ZNF107: variants seen among roughly 807,000 people sequenced by gnomAD.
The protein encoded by ZNF107 is C2H2 type zinc-finger protein.
A neutral mutation model predicts 12.3 loss-of-function variants in ZNF107; 19 were observed. The observed-to-expected ratio is 1.55, with a 90% CI of 1.08 to 2.27. ZNF107 has a LOEUF of 2.27. ZNF107 is among the 30% of genes most tolerant of loss of function. The pLI, the probability that ZNF107 is intolerant of heterozygous loss-of-function variation, is 0.00. For synonymous variants in ZNF107, 317 were observed against 330.5 expected (o/e 0.96, Z 0.44); for missense variants, 958 against 979.9 (o/e 0.98, Z 0.30).
intron 3 of ZNF107, among the ~76,000 whole-genome samples, chr7:64,699,597 A>G (rs189343545): frequency 3.3e-5 from 5 of 152,168 alleles, no homozygotes; most frequent in Admixed American, 3.3e-4. Context: ...TGTCTGGATA[A>G]TATTTTTATT....
intron 1 of ZNF107, among the ~76,000 whole-genome samples, chr7:64,690,768 A>G (rs552879762): frequency 9.2e-5 from 14 of 151,818 alleles, no homozygotes; most frequent in African/African-American, 3.4e-4. Context: ...TTTGAGACAG[A>G]GTCTCACTCT....
In ZNF107 at chr7:64,709,654, C is replaced by T. The variant is rs370373826; in HGVS notation, c.*998C>T. The stretch of plus-strand genomic sequence containing the variant: ...TGGCAACACTTTTAATAAATGCTCA[C>T]CCCTTATTGCACAGGAAAGCATTTA... On this transcript the variant is annotated 3_prime_UTR_variant, in exon 4 of 4. Transcript: ENST00000620827. 2.2e-6 allele frequency: 1 copy of T among 451,440 alleles called. No individual in the cohort carries two copies. Among genetic ancestry groups the T allele is most frequent in the Non-Finnish European group, 4.4e-6 (1 of 225,832 alleles). The allele number at this position is 451,440 out of a possible 1,614,324, so 28.0% of individuals were successfully genotyped here. A position where few individuals can be genotyped will look rare whatever the true frequency, so the allele number is the denominator to read the frequency against.
At chr7:64,694,154 A>C (rs908685730) in intron 3 of ZNF107, among the ~76,000 whole-genome samples, 11 of 152,240 alleles carry the variant, frequency 7.2e-5, no homozygotes, top group African/African-American at 2.7e-4. Flanking sequence ...GAACTGAGTC[A>C]TTGAACTGTT....
intron 3 of ZNF107, among the ~76,000 whole-genome samples, chr7:64,698,079 T>C (rs1790355372): frequency 6.6e-6 from 1 of 152,190 alleles, no homozygotes; most frequent in Non-Finnish European, 1.5e-5. Context: ...ATTTGGTGTC[T>C]TTAAAAAATT....
At chr7:64,676,974 T>C (rs903671546) in intron 1 of ZNF107, among the ~76,000 whole-genome samples, 4 of 152,206 alleles carry the variant, frequency 2.6e-5, no homozygotes, top group Non-Finnish European at 5.9e-5. Context: ...TGAATGACTG[T>C]ATTTTTCTAT....
intron 1 of ZNF107, among the ~76,000 whole-genome samples, chr7:64,666,899 T>C (rs948827565): frequency 7.1e-6 from 1 of 141,794 alleles, no homozygotes; most frequent in Non-Finnish European, 1.5e-5. Context: ...TTACGTAGTT[T>C]CTTAGTTTTA....
chr7:64,693,916 G>A (rs941298970), intron 3 of ZNF107, among the ~76,000 whole-genome samples: 1 of 152,108 alleles, frequency 6.6e-6, no homozygotes, highest in Non-Finnish European at 1.5e-5. Context: ...AGTCTCCCAA[G>A]TAGCTGGGAT....
intron 1 of ZNF107, 30 bp from the exon 2 acceptor site, chr7:64,691,218 G>C (rs1790106880): frequency 1.4e-6 from 2 of 1,428,348 alleles, no homozygotes; most frequent in East Asian, 5.4e-5. Context: ...ATGGCTGCTT[G>C]GTAAATGTGT....
intron 3 of ZNF107, among the ~76,000 whole-genome samples, chr7:64,693,165 A>ATTTTTTT (rs34734604): frequency 1.0e-4 from 11 of 110,118 alleles, no homozygotes; most frequent in Non-Finnish European, 1.1e-4. Flanking sequence ...CACTCAGCTA[A>ATTTTTTT]TTTTTTTTTT....
In ZNF107 at chr7:64,708,884, TG is replaced by T; in HGVS notation, c.*229del. The T allele has an allele frequency of 1.7e-6, 1 of 605,532 alleles. No individual in the cohort carries two copies. 37.5% of individuals were successfully genotyped at this position (605,532 alleles called of 1,614,324 possible). ...CGTACTGGAGAGAATCCTACAAATG[TG>T]AAAAATGTGGCAAATCCTTTAACTG... On this transcript the variant is annotated 3_prime_UTR_variant, in exon 4 of 4. Coordinates refer to ENST00000620827, the MANE Select transcript of ZNF107 (RefSeq NM_001282359.2).
At chr7:64,672,266 G>T (rs1789260877) in intron 1 of ZNF107, among the ~76,000 whole-genome samples, 2 of 152,106 alleles carry the variant, frequency 1.3e-5, no homozygotes, top group East Asian at 1.9e-4. Context: ...TGCAAAGGAC[G>T]TGCTCTTGTT....
chr7:64,667,510 T>C (rs1562819563), intron 1 of ZNF107, among the ~76,000 whole-genome samples: 2 of 152,242 alleles, frequency 1.3e-5, no homozygotes, highest in Non-Finnish European at 2.9e-5. Flanking sequence ...GGTTTCCCTT[T>C]GGAAACTTTA....
At chr7:64,666,820 G>T (rs1057371629) in intron 1 of ZNF107, among the ~76,000 whole-genome samples, 3 of 152,084 alleles carry the variant, frequency 2.0e-5, no homozygotes, top group African/African-American at 4.8e-5. Flanking sequence ...CCATGGGAGG[G>T]GCTTGAAGAA....
chr7:64,672,736 TGC>T (rs1326796098), intron 1 of ZNF107, among the ~76,000 whole-genome samples: 2 of 152,222 alleles, frequency 1.3e-5, no homozygotes, highest in African/African-American at 4.8e-5. Context: ...ATGTGAATAG[TGC>T]TGCAGTGAAC....
chr7:64,686,023 C>T (rs921072209), intron 1 of ZNF107, among the ~76,000 whole-genome samples: 2 of 152,126 alleles, frequency 1.3e-5, no homozygotes, highest in Non-Finnish European at 2.9e-5. Context: ...AGACAGCCTA[C>T]AAGACATAGC....
chr7:64,699,834 C>T (rs908216902), intron 3 of ZNF107, among the ~76,000 whole-genome samples: 14 of 151,836 alleles, frequency 9.2e-5, no homozygotes, highest in Admixed American at 7.9e-4. Flanking sequence ...TTTGGGAGGC[C>T]GAGGCGGGCG....
rs1790806694 is a variant in ZNF107 at position 64,709,265 on chromosome 7, AAG to A, written c.*612_*613del. 1 of 365,446 alleles carries A rather than the reference AAG, an allele frequency of 2.7e-6. No homozygotes were observed. 22.6% of individuals were successfully genotyped at this position (365,446 alleles called of 1,614,324 possible). A position where few individuals can be genotyped will look rare whatever the true frequency, so the allele number is the denominator to read the frequency against. Reference sequence around the variant, plus strand: ...CTGATTCTCAACTCTTACTACATGTAAGAGTATTTATACTGGAAAGAAACCCT... The same window carrying A: ...CTGATTCTCAACTCTTACTACATGTAAGTATTTATACTGGAAAGAAACCCT... On this transcript the variant is annotated 3_prime_UTR_variant, in exon 4 of 4. Transcript: ENST00000620827.
rs774536174 is a variant in ZNF107 at position 64,707,738 on chromosome 7, C to T, written c.1641C>T (p.Asn547=). ...YKCEECGKAF[N]RFSTLTKHKR... ...GTGAGGAATGTGGCAAAGCTTTTAACCGATTCTCAACCCTTACTAAACATA... is the reference window on the plus strand; with the variant it reads ...GTGAGGAATGTGGCAAAGCTTTTAATCGATTCTCAACCCTTACTAAACATA... Residue 547 remains asparagine, a synonymous_variant, in exon 4 of 4, where the codon AAC becomes AAT. Transcript: ENST00000620827. The T allele has an allele frequency of 4.3e-6, 7 of 1,612,372 alleles. No homozygotes were observed. Among genetic ancestry groups the T allele is most frequent in the Middle Eastern group, 1.6e-4 (1 of 6,072 alleles).
chr7:64,709,573 A>G lies in ZNF107; in HGVS notation c.*917A>G. ...CACAAAGCCTTTAAATGGTTGTCACACTTGATTGTAGGTAAGAATCCATAC... is the reference window on the plus strand; with the variant it reads ...CACAAAGCCTTTAAATGGTTGTCACGCTTGATTGTAGGTAAGAATCCATAC... On this transcript the variant is annotated 3_prime_UTR_variant, in exon 4 of 4. Transcript: ENST00000620827. The G allele has an allele frequency of 2.5e-6, 1 of 396,278 alleles. No homozygotes were observed. Among genetic ancestry groups the G allele is most frequent in the Non-Finnish European group, 4.8e-6 (1 of 206,586 alleles). The allele number at this position is 396,278 out of a possible 1,614,324, so 24.5% of individuals were successfully genotyped here.
Sources: gnomAD v4.1 joint callset for allele counts (sites outside exome capture counted in the v4.1 genomes callset) on GRCh38, gnomAD v4.1.1 for gene constraint, MANE v1.5 for transcripts, NCBI Gene and HGNC (gene_info 2026-07-23, HGNC 2026-07-21) for gene names.